Variants in IGSF3 observed in about 807,000 individuals in gnomAD.
IGSF3 encodes the protein immunoglobulin superfamily member 3, also known as glu-Trp-Ile EWI motif-containing protein 3.
Under a neutral mutation model 114.4 loss-of-function variants are expected in IGSF3, and 23 were observed. The ratio of observed to expected loss-of-function variants is 0.20; its 90% CI spans 0.14 to 0.28. The LOEUF (loss-of-function observed/expected upper bound fraction) is 0.28, where lower values mean the gene tolerates loss of function less well. Among genes scored for constraint, IGSF3 ranks in the 10% least tolerant of loss-of-function variants. IGSF3 has a pLI of 1.00. For synonymous variants in IGSF3, 571 were observed against 645.2 expected (o/e 0.88, Z 1.74); for missense variants, 1,172 against 1,591.5 (o/e 0.74, Z 4.48).
chr1:116,594,501 C>G lies in IGSF3; in HGVS notation c.2030-5397G>C, dbSNP rs1660259488. Reference sequence around the variant, plus strand: ...GCAAACTTTCATCTGGTCCTATGTGCTCAGCACTATTCTAAGCACTTTATA... The same window carrying G: ...GCAAACTTTCATCTGGTCCTATGTGGTCAGCACTATTCTAAGCACTTTATA... On this transcript the variant is annotated intron_variant, in intron 7 of 10. Coordinates refer to ENST00000369486, the MANE Select transcript of IGSF3 (RefSeq NM_001007237.3). This position sits in a 1 kb window ranked among gnomAD's most constrained non-coding sequence, Gnocchi z 5.2. 6.6e-6 allele frequency among the ~76,000 whole-genome samples: 1 copy of G among 152,206 alleles called. No individual in the cohort carries two copies. The highest frequency in any genetic ancestry group is 2.1e-4 in the South Asian group (1 of 4,830).
In IGSF3 at chr1:116,625,045, T is replaced by C. The variant is rs1464637959; in HGVS notation, c.44-8588A>G. The stretch of plus-strand genomic sequence containing the variant: ...TCTCGACCCACAGATTCTGTGAGCA[T>C]AACAAAATTGTTGTTTTAAGCCACT... On this transcript the variant is annotated intron_variant, in intron 2 of 10. Coordinates refer to ENST00000369486, the MANE Select transcript of IGSF3 (RefSeq NM_001007237.3). This position sits in a 1 kb window ranked among gnomAD's most constrained non-coding sequence, Gnocchi z 4.7. Among the ~76,000 whole-genome samples the C allele has an allele frequency of 6.6e-6, 1 of 152,238 alleles. No homozygotes were observed. Among genetic ancestry groups the C allele is most frequent in the Non-Finnish European group, 1.5e-5 (1 of 68,038 alleles).
At chr1:116,619,883 T>A (rs1409472721) in intron 2 of IGSF3, among the ~76,000 whole-genome samples, 2 of 152,162 alleles carry the variant, frequency 1.3e-5, no homozygotes, top group African/African-American at 4.8e-5. Flanking sequence ...ATGTTATATA[T>A]AACTGCATGA....
At position 116,650,963 on chromosome 1, in the gene IGSF3, G is replaced by A. The variant is rs1391861927; in HGVS notation, c.43+15321C>T. Among the ~76,000 whole-genome samples the A allele has an allele frequency of 6.6e-6, 1 of 152,216 alleles. No individual in the cohort carries two copies. The highest frequency in any genetic ancestry group is 1.5e-5 in the Non-Finnish European group (1 of 68,042). ...GAGCAGGCCCCAGGCCAGAGTGCTGGGCTTCTCCCAGCGGGATCCAGCTGG... is the reference window on the plus strand; with the variant it reads ...GAGCAGGCCCCAGGCCAGAGTGCTGAGCTTCTCCCAGCGGGATCCAGCTGG... On this transcript the variant is annotated intron_variant, in intron 2 of 10. Transcript: ENST00000369486. The surrounding 1 kb of genome is among the most constrained non-coding windows in gnomAD (Gnocchi z 5.0).
At position 116,642,585 on chromosome 1, in the gene IGSF3, G is replaced by C; in HGVS notation, c.43+23699C>G. ...ACTGTCATAGTGGTGGGAAGAAGCA[G>C]ATTGGTTCAACAGGGTAACCAAATG... On this transcript the variant is annotated intron_variant, in intron 2 of 10. Transcript: ENST00000369486. The surrounding 1 kb of genome is among the most constrained non-coding windows in gnomAD (Gnocchi z 5.4). Among the ~76,000 whole-genome samples the C allele has an allele frequency of 6.6e-6, 1 of 152,234 alleles. No individual in the cohort carries two copies. Among genetic ancestry groups the C allele is most frequent in the East Asian group, 1.9e-4 (1 of 5,186 alleles).
At chr1:116,588,000 G>A (rs1203668865) in intron 8 of IGSF3, among the ~76,000 whole-genome samples, 1 of 152,222 alleles carries the variant, frequency 6.6e-6, no homozygotes, top group Non-Finnish European at 1.5e-5. Flanking sequence ...AGGAAATGAC[G>A]CAGACTTCTC....
In IGSF3 at chr1:116,596,779, G is replaced by A. The variant is rs1287845344; in HGVS notation, c.2029+3162C>T. 6.6e-6 allele frequency among the ~76,000 whole-genome samples: 1 copy of A among 152,162 alleles called. No individual in the cohort carries two copies. Among genetic ancestry groups the A allele is most frequent in the African/African-American group, 2.4e-5 (1 of 41,432 alleles). On this transcript the variant is annotated intron_variant, in intron 7 of 10. Transcript: ENST00000369486. The surrounding 1 kb of genome is among the most constrained non-coding windows in gnomAD (Gnocchi z 4.1). ...AATCCTGGCTCTGCCACTTACTATGGCACACTGGGCAATTTATGTAACTTC... is the reference window on the plus strand; with the variant it reads ...AATCCTGGCTCTGCCACTTACTATGACACACTGGGCAATTTATGTAACTTC...
chr1:116,630,538 T>C (rs1647526385), intron 2 of IGSF3, among the ~76,000 whole-genome samples: 1 of 152,008 alleles, frequency 6.6e-6, no homozygotes, highest in Non-Finnish European at 1.5e-5. Context: ...GGATACAGAG[T>C]TGGCATCCAA....
intron 2 of IGSF3, among the ~76,000 whole-genome samples, chr1:116,656,856 A>G (rs1045501219): frequency 2.6e-5 from 4 of 152,086 alleles, no homozygotes; most frequent in Non-Finnish European, 5.9e-5. Context: ...CAAACCCGGG[A>G]GGCGGAGGTT....
Position 116,603,798 on chromosome 1 carries a change from C to T in IGSF3, c.1450G>A (p.Val484Ile), listed in dbSNP as rs370022674. 132 of 1,613,906 alleles carry T rather than the reference C, an allele frequency of 8.2e-5. No individual in the cohort carries two copies. The highest frequency in any genetic ancestry group is 2.0e-4 in the South Asian group (18 of 91,084). ...TTGGGCTGCACCTGCTCCATCTGGA[C>T]GCCCCCAAAGCTGCTGCGCTCCCAG... ...SYWERSSFGG[V>I]QMEQVQPNSF... The change falls in exon 6 of 11, where the codon GTC (valine) becomes ATC (isoleucine). Residue 484 changes from valine to isoleucine, a missense_variant. Coordinates refer to ENST00000369486, the MANE Select transcript of IGSF3 (RefSeq NM_001007237.3). This position sits in a 1 kb window ranked among gnomAD's most constrained non-coding sequence, Gnocchi z 7.1.
intron 5 of IGSF3, chr1:116,606,481 G>T (rs372479081): frequency 6.2e-7 from 1 of 1,610,170 alleles, no homozygotes; most frequent in Non-Finnish European, 8.5e-7. Context: ...GTTGTTCTTC[G>T]GCAGACTTAC....
rs1660862422 is a variant in IGSF3, at chr1:116,608,070, T to C, written c.1094A>G (p.His365Arg). The change falls in exon 5 of 11, where the codon CAC (histidine) becomes CGC (arginine). Residue 365 changes from histidine (H) to arginine (R), a missense_variant. By Grantham distance (29) the His-to-Arg change is conservative. Coordinates refer to ENST00000369486, the MANE Select transcript of IGSF3 (RefSeq NM_001007237.3). Reference sequence around the variant, plus strand: ...TTTCCCGCTATCTTCCTGGCGGAGGTGGTAGATCTTCAGCACAAAGACACT... The same window carrying C: ...TTTCCCGCTATCTTCCTGGCGGAGGCGGTAGATCTTCAGCACAAAGACACT... The part of the protein sequence containing the change: ...SDSVFVLKIY[H>R]LRQEDSGKYN... The C allele has an allele frequency of 6.2e-7, 1 of 1,613,554 alleles. No homozygotes were observed. Among genetic ancestry groups the C allele is most frequent in the African/African-American group, 1.3e-5 (1 of 74,794 alleles).
rs1314930953 is a variant in IGSF3, at chr1:116,614,579, C to T, written c.422-404G>A. On this transcript the variant is annotated intron_variant, in intron 3 of 10. Coordinates refer to ENST00000369486, the MANE Select transcript of IGSF3 (RefSeq NM_001007237.3). The surrounding 1 kb of genome is among the most constrained non-coding windows in gnomAD (Gnocchi z 4.5). Reference sequence around the variant, plus strand: ...GACTGATCCTGTAATGGAAATGCCTCCTGGAACTTTTAGTTTTACATTTCT... The same window carrying T: ...GACTGATCCTGTAATGGAAATGCCTTCTGGAACTTTTAGTTTTACATTTCT... 6.6e-6 allele frequency among the ~76,000 whole-genome samples: 1 copy of T among 152,166 alleles called. No individual in the cohort carries two copies.
rs1293353435 is a variant in IGSF3 at position 116,607,946 on chromosome 1, G to A, written c.1218C>T (p.Pro406=). 23 of 1,613,560 alleles carry A rather than the reference G, an allele frequency of 1.4e-5. No individual in the cohort carries two copies. Among genetic ancestry groups the A allele is most frequent in the Non-Finnish European group, 1.9e-5 (23 of 1,179,654 alleles). Residue 406 remains proline, a synonymous_variant, in exon 5 of 11, where the codon CCC becomes CCT. Coordinates refer to ENST00000369486, the MANE Select transcript of IGSF3 (RefSeq NM_001007237.3). The surrounding 1 kb of genome is among the most constrained non-coding windows in gnomAD (Gnocchi z 6.1). ...GCAGCACATCTCTCTACTTACTGAG[G>A]GGGAGGACTATGATGGGGATGTTCT... The part of the protein sequence containing the change: ...RPKNIPIIVL[P]LKSSISVEVA...
Position 116,598,960 on chromosome 1 carries a change from G to A in IGSF3, c.2029+981C>T, listed in dbSNP as rs1039101656. On this transcript the variant is annotated intron_variant, in intron 7 of 10. Coordinates refer to ENST00000369486, the MANE Select transcript of IGSF3 (RefSeq NM_001007237.3). The surrounding 1 kb of genome is among the most constrained non-coding windows in gnomAD (Gnocchi z 4.3). ...GCTCCCCAAATTAATGCATCCTTAT[G>A]ATCCGCTTTGAGACAGACTCAGCCT... 1.3e-5 allele frequency among the ~76,000 whole-genome samples: 2 copies of A among 152,190 alleles called. No individual in the cohort carries two copies. Among genetic ancestry groups the A allele is most frequent in the African/African-American group, 2.4e-5 (1 of 41,456 alleles).
Position 116,664,122 on chromosome 1 carries a change from G to T in IGSF3, c.43+2162C>A, listed in dbSNP as rs1304424209. ...CATACTGAGAGCCATCAGGTGAAGA[G>T]AAAGATGAGGTTCCACCAGTGGGGC... On this transcript the variant is annotated intron_variant, in intron 2 of 10. Coordinates refer to ENST00000369486, the MANE Select transcript of IGSF3 (RefSeq NM_001007237.3). This position sits in a 1 kb window ranked among gnomAD's most constrained non-coding sequence, Gnocchi z 4.6. Among the ~76,000 whole-genome samples, 1 of 152,188 alleles carries T rather than the reference G, an allele frequency of 6.6e-6. No homozygotes were observed. The highest frequency in any genetic ancestry group is 2.4e-5 in the African/African-American group (1 of 41,434).
In IGSF3 at chr1:116,615,178, G is replaced by A. The variant is rs184406342; in HGVS notation, c.421+902C>T. Among the ~76,000 whole-genome samples, 189 of 152,178 alleles carry A rather than the reference G, an allele frequency of 1.2e-3. 1 individual carries two copies. Among genetic ancestry groups the A allele is most frequent in the Non-Finnish European group, 4.9e-4 (33 of 68,012 alleles). ...AATCCCAGCTACTCGGGAGGCTGAG[G>A]CAGAAGAATTGCTTGAACCCGGGAG... On this transcript the variant is annotated intron_variant, in intron 3 of 10. Coordinates refer to ENST00000369486, the MANE Select transcript of IGSF3 (RefSeq NM_001007237.3). The surrounding 1 kb of genome is among the most constrained non-coding windows in gnomAD (Gnocchi z 4.3).
At position 116,577,613 on chromosome 1, in the gene IGSF3, T is replaced by G. The variant is rs1005927445; in HGVS notation, c.3335-51A>C. 1.1e-5 allele frequency: 17 copies of G among 1,585,680 alleles called. No individual in the cohort carries two copies. The highest frequency in any genetic ancestry group is 1.5e-5 in the Non-Finnish European group (17 of 1,163,308). On this transcript the variant is annotated intron_variant, in intron 10 of 10. Transcript: ENST00000369486. The surrounding 1 kb of genome is among the most constrained non-coding windows in gnomAD (Gnocchi z 5.7). The stretch of plus-strand genomic sequence containing the variant: ...GACAATGAGGGCTGAGAACCTGGAC[T>G]GCTCACATTTCCTTTTGAAGACCTC...
At position 116,588,923 on chromosome 1, in the gene IGSF3, G is replaced by A. The variant is rs756539247; in HGVS notation, c.2211C>T (p.Ser737=). The change falls in exon 8 of 11, where the codon TCC becomes TCT. Residue 737 remains serine, a synonymous_variant. Transcript: ENST00000369486. This position sits in a 1 kb window ranked among gnomAD's most constrained non-coding sequence, Gnocchi z 4.9. ...GKLILKTTHN[S]AFEYGTYAEE... ...CGGCGTAAGTACCGTATTCAAAGGC[G>A]GAGTTGTGGGTGGTCTTCAGGATAA... 2.5e-5 allele frequency: 41 copies of A among 1,614,086 alleles called. No homozygotes were observed. Among genetic ancestry groups the A allele is most frequent in the Middle Eastern group, 1.6e-4 (1 of 6,084 alleles).
At chr1:116,604,073 A>C in intron 5 of IGSF3, 48 bp from the exon 6 acceptor site, 1 of 1,410,490 alleles carries the variant, frequency 7.1e-7, no homozygotes, top group Non-Finnish European at 9.6e-7. Context: ...TGGTCTCCAC[A>C]GCGCCCTCCC....
Sources: gnomAD v4.1 joint callset for allele counts (sites outside exome capture counted in the v4.1 genomes callset) on GRCh38, gnomAD v4.1.1 for gene constraint, Gnocchi (gnomAD v3.1) non-coding constraint, MANE v1.5 for transcripts, NCBI Gene and HGNC (gene_info 2026-07-23, HGNC 2026-07-21) for gene names.